Variants in ADAM32 observed in about 807,000 individuals in gnomAD.
ADAM32 encodes the protein ADAM metallopeptidase domain 32, also known as disintegrin and metalloproteinase domain-containing protein 32.
ADAM32 carries 89 observed loss-of-function variants against 114.9 expected under a neutral mutation model. The observed-to-expected ratio is 0.77, with a 90% CI of 0.65 to 0.92. The LOEUF is 0.92. Ranked by LOEUF, ADAM32 falls within the 40% of genes least tolerant of loss-of-function variation. The pLI, the probability that ADAM32 is intolerant of heterozygous loss-of-function variation, is 0.00. For missense variants in ADAM32, 870 were observed against 932.8 expected, an observed-to-expected ratio of 0.93 and a Z score of 0.88; for synonymous variants, 285 against 307.5, an observed-to-expected ratio of 0.93 and a Z score of 0.77.
intron 16 of ADAM32, among the ~76,000 whole-genome samples, chr8:39,237,313 C>A (rs1810229733): frequency 6.6e-6 from 1 of 152,146 alleles, no homozygotes; most frequent in African/African-American, 2.4e-5. Flanking sequence ...AAGGAGACTT[C>A]CAGCTCAACC....
chr8:39,150,584 C>G (rs1166361895), intron 5 of ADAM32, among the ~76,000 whole-genome samples: 8 of 152,056 alleles, frequency 5.3e-5, no homozygotes. Context: ...CTCCTTACGG[C>G]TTAGGGAGTT....
At chr8:39,120,365 A>G (rs947068006) in intron 2 of ADAM32, among the ~76,000 whole-genome samples, 7 of 152,242 alleles carry the variant, frequency 4.6e-5, no homozygotes, top group Non-Finnish European at 1.0e-4. Flanking sequence ...GGTAATTCTA[A>G]TGAAGGATCA....
chr8:39,189,008 T>C (rs1319499190), intron 11 of ADAM32, among the ~76,000 whole-genome samples: 13 of 152,138 alleles, frequency 8.5e-5, no homozygotes, highest in African/African-American at 2.9e-4. Context: ...GTGATCTACA[T>C]TTACTAGATA....
chr8:39,218,546 G>C (rs1280783919), intron 12 of ADAM32, among the ~76,000 whole-genome samples: 1 of 152,216 alleles, frequency 6.6e-6, no homozygotes, highest in African/African-American at 2.4e-5. Context: ...CTGGTGTTCT[G>C]TTCTACTGTG....
intron 13 of ADAM32, 38 bp from the exon 14 acceptor site, chr8:39,223,002 T>C (rs756255172): frequency 6.8e-7 from 1 of 1,481,296 alleles, no homozygotes; most frequent in Admixed American, 2.5e-5. Flanking sequence ...GTAATCCTAT[T>C]TGTAATGCTT....
At chr8:39,235,794 C>T (rs1468786800) in intron 16 of ADAM32, among the ~76,000 whole-genome samples, 2 of 152,060 alleles carry the variant, frequency 1.3e-5, no homozygotes, top group Non-Finnish European at 2.9e-5. Context: ...ACTTGTTAGA[C>T]ACATCATCAT....
intron 10 of ADAM32, among the ~76,000 whole-genome samples, chr8:39,182,824 G>A (rs561996080): frequency 3.9e-4 from 59 of 152,258 alleles, no homozygotes; most frequent in African/African-American, 1.3e-3. Flanking sequence ...AGATGTTCAC[G>A]TCTTCTAGCT....
intron 2 of ADAM32, chr8:39,131,957 G>C: frequency 3.4e-6 from 1 of 290,192 alleles, no homozygotes; most frequent in Non-Finnish European, 7.2e-6. Context: ...GTAGTGGCAC[G>C]ATCTCGGCTC....
In ADAM32 at chr8:39,115,514, T is replaced by G. The variant is rs557720383; in HGVS notation, c.59-2572T>G. 2.6e-5 allele frequency among the ~76,000 whole-genome samples: 4 copies of G among 152,308 alleles called. No individual in the cohort carries two copies. The South Asian group carries it at 6.2e-4, about 24-fold the overall frequency. ...GACTTTCATTTTTCTAATGATAAGTTTTTCATATGCTTCTTGGCCACATGT... is the reference window on the plus strand; with the variant it reads ...GACTTTCATTTTTCTAATGATAAGTGTTTCATATGCTTCTTGGCCACATGT... On this transcript the variant is annotated intron_variant, in intron 1 of 24. Transcript: ENST00000379907.
intron 14 of ADAM32, among the ~76,000 whole-genome samples, chr8:39,225,550 C>A (rs1809302771): frequency 1.3e-5 from 2 of 152,308 alleles, no homozygotes; most frequent in South Asian, 4.1e-4. Context: ...GGGGCCATGA[C>A]CTCCCTGGTG....
rs765429878 is a variant in ADAM32, at chr8:39,233,882, A to AT, written c.1635-11dup. On this transcript the variant is annotated splice_polypyrimidine_tract_variant and intron_variant, in intron 15 of 24. Transcript: ENST00000379907. ...TTCCTAATGTATAATAATCATATAT[A>AT]TTTTTTATGTTTTCAGGAATCTTAT... 1.1e-5 allele frequency: 16 copies of AT among 1,411,480 alleles called. No individual in the cohort carries two copies. Among genetic ancestry groups the AT allele is most frequent in the Non-Finnish European group, 6.6e-6 (7 of 1,066,610 alleles). 87.4% of individuals were successfully genotyped at this position (1,411,480 alleles called of 1,614,324 possible).
At chr8:39,176,787 G>T (rs1044699253) in intron 10 of ADAM32, among the ~76,000 whole-genome samples, 2 of 152,146 alleles carry the variant, frequency 1.3e-5, no homozygotes, top group Non-Finnish European at 2.9e-5. Context: ...TCAGTGGGGT[G>T]TTAAAGTCTC....
At chr8:39,225,456 C>G (rs1005888505) in intron 14 of ADAM32, among the ~76,000 whole-genome samples, 5 of 152,202 alleles carry the variant, frequency 3.3e-5, no homozygotes, top group African/African-American at 9.6e-5. Context: ...GACCCTGGCT[C>G]TGTGGCTACT....
At chr8:39,206,563 G>A (rs1444104251) in intron 11 of ADAM32, among the ~76,000 whole-genome samples, 1 of 152,218 alleles carries the variant, frequency 6.6e-6, no homozygotes, top group Non-Finnish European at 1.5e-5. Context: ...GGAGGGTTCT[G>A]GGTTGCTGTC....
chr8:39,262,615 TC>T (rs1366036794), intron 19 of ADAM32, among the ~76,000 whole-genome samples: 4 of 151,882 alleles, frequency 2.6e-5, no homozygotes, highest in African/African-American at 9.7e-5. Flanking sequence ...CTTCCTACCT[TC>T]CTCCTTCCCT....
At chr8:39,252,690 A>G (rs1305505920) in intron 17 of ADAM32, among the ~76,000 whole-genome samples, 2 of 151,578 alleles carry the variant, frequency 1.3e-5, no homozygotes, top group Non-Finnish European at 3.0e-5. Flanking sequence ...TAAAATAGCA[A>G]GAAAAAAAGA....
intron 6 of ADAM32, among the ~76,000 whole-genome samples, chr8:39,154,709 C>T (rs529434079): frequency 6.6e-6 from 1 of 152,228 alleles, no homozygotes; most frequent in African/African-American, 2.4e-5. Flanking sequence ...CTGTTGTTTC[C>T]TGACTTTTTA....
chr8:39,123,487 C>T (rs1162352766), intron 2 of ADAM32, among the ~76,000 whole-genome samples: 3 of 152,114 alleles, frequency 2.0e-5, no homozygotes, highest in African/African-American at 7.2e-5. Flanking sequence ...TAACATTCTT[C>T]CTTGTGGTTC....
intron 11 of ADAM32, among the ~76,000 whole-genome samples, chr8:39,190,638 T>A (rs1273740196): frequency 1.3e-5 from 2 of 152,216 alleles, no homozygotes; most frequent in Non-Finnish European, 2.9e-5. Context: ...AAATTTCCAA[T>A]GATTACTGAT....
Sources: allele counts gnomAD v4.1 joint callset (sites outside exome capture counted in the v4.1 genomes callset), GRCh38; gene constraint gnomAD v4.1.1; transcripts MANE v1.5; gene names NCBI Gene and HGNC (gene_info 2026-07-23, HGNC 2026-07-21).